The following REV1 variants were observed in gnomAD, a reference collection of about 807,000 sequenced individuals.
REV1 encodes translesion synthesis protein REV1.
REV1 carries 42 observed loss-of-function variants against 137.4 expected under a neutral mutation model. The observed-to-expected ratio is 0.31, with a 90% CI of 0.24 to 0.40. The LOEUF (loss-of-function observed/expected upper bound fraction) is 0.40, where lower values mean the gene tolerates loss of function less well. Among genes scored for constraint, REV1 ranks in the 10% least tolerant of loss-of-function variants. The pLI is 1.00. For missense variants in REV1, 1,282 were observed against 1,490.1 expected (o/e 0.86, Z 2.30); for synonymous variants, 524 against 519.2 (o/e 1.01, Z -0.12).
intron 12 of REV1, among the ~76,000 whole-genome samples, chr2:99,416,285 A>G (rs1186735421): frequency 6.6e-6 from 1 of 152,238 alleles, no homozygotes; most frequent in Non-Finnish European, 1.5e-5. Flanking sequence ...TTTCTTTTCT[A>G]AAATAATTCC....
intron 1 of REV1, among the ~76,000 whole-genome samples, chr2:99,473,666 A>C (rs1685662160): frequency 6.6e-6 from 1 of 152,218 alleles, no homozygotes; most frequent in Non-Finnish European, 1.5e-5. Context: ...CAGCATACTG[A>C]AACATTTTCC....
intron 3 of REV1, among the ~76,000 whole-genome samples, chr2:99,457,413 G>A (rs1483784194): frequency 6.6e-6 from 1 of 152,198 alleles, no homozygotes; most frequent in African/African-American, 2.4e-5. Flanking sequence ...CAGGTGCACT[G>A]GCTCACACCT....
rs28369950 is a variant in REV1 at position 99,462,051 on chromosome 2, C to T, written c.181+445G>A. On this transcript the variant is annotated intron_variant, in intron 3 of 22. Coordinates refer to ENST00000258428, the MANE Select transcript of REV1 (RefSeq NM_016316.4). ...TCAGGTCCTTTCCTTCCCTGCTTGG[C>T]GACCCAAATGCTGGCAGTTTACACT... Among the ~76,000 whole-genome samples the T allele has an allele frequency of 5.9e-3, 904 of 152,208 alleles. 4 individuals are homozygous for T. Among genetic ancestry groups the T allele is most frequent in the Middle Eastern group, 0.027 (8 of 294 alleles).
intron 5 of REV1, among the ~76,000 whole-genome samples, chr2:99,441,311 G>C (rs1234719974): frequency 6.6e-6 from 1 of 151,780 alleles, no homozygotes; most frequent in Non-Finnish European, 1.5e-5. Flanking sequence ...TTAGACTCCT[G>C]GTGTTTTCGA....
chr2:99,484,625 G>C (rs567827752), intron 1 of REV1, among the ~76,000 whole-genome samples: 4 of 151,730 alleles, frequency 2.6e-5, no homozygotes, highest in African/African-American at 9.7e-5. Context: ...TACGATGCAA[G>C]TCATCATCCT....
chr2:99,417,278 T>C (rs955830863), intron 12 of REV1, among the ~76,000 whole-genome samples: 6 of 152,150 alleles, frequency 3.9e-5, no homozygotes, highest in African/African-American at 1.4e-4. Flanking sequence ...TAGCTGGGAC[T>C]ACAGGCATGT....
intron 12 of REV1, among the ~76,000 whole-genome samples, chr2:99,413,224 T>C (rs150721121): frequency 1.3e-3 from 205 of 152,354 alleles, no homozygotes; most frequent in African/African-American, 4.6e-3. Flanking sequence ...ATCAAAAATG[T>C]CACTTTCTTT....
At chr2:99,406,616 TG>T in intron 15 of REV1, 126 bp from the exon 16 acceptor site, 4 of 737,510 alleles carry the variant, frequency 5.4e-6, no homozygotes, top group Non-Finnish European at 8.0e-6. Context: ...TAAAGGTAAA[TG>T]AAAGTATTCA....
chr2:99,421,451 AG>A (rs1201382051), intron 11 of REV1, 47 bp downstream of exon 11: 6 of 1,530,820 alleles, frequency 3.9e-6, no homozygotes, highest in African/African-American at 2.8e-5. Context: ...CTGATATTCA[AG>A]AATCTCAAAG....
chr2:99,414,557 G>A (rs984147537), intron 12 of REV1, among the ~76,000 whole-genome samples: 5 of 152,120 alleles, frequency 3.3e-5, no homozygotes, highest in African/African-American at 1.2e-4. Context: ...GAAACACAAG[G>A]GAATAGACAA....
At chr2:99,445,052 A>G (rs1682014787) in intron 4 of REV1, among the ~76,000 whole-genome samples, 1 of 152,174 alleles carries the variant, frequency 6.6e-6, no homozygotes, top group South Asian at 2.1e-4. Context: ...GAATCAAAAC[A>G]TAGTCATAGC....
chr2:99,441,021 C>G (rs1306356117), intron 5 of REV1, among the ~76,000 whole-genome samples: 1 of 152,110 alleles, frequency 6.6e-6, no homozygotes, highest in Non-Finnish European at 1.5e-5. Context: ...GAAGTAAAAT[C>G]TAAAAGGTAA....
intron 1 of REV1, among the ~76,000 whole-genome samples, chr2:99,481,708 C>A (rs138807310): frequency 9.8e-4 from 149 of 151,886 alleles, no homozygotes; most frequent in South Asian, 4.2e-3. Context: ...CACACACACA[C>A]AAAAATTTAA....
intron 4 of REV1, among the ~76,000 whole-genome samples, chr2:99,443,952 G>A (rs1351814683): frequency 1.3e-5 from 2 of 151,942 alleles, no homozygotes; most frequent in East Asian, 1.9e-4. Flanking sequence ...CCGAGTAGCT[G>A]GGACTACAGG....
intron 1 of REV1, among the ~76,000 whole-genome samples, chr2:99,482,693 C>T (rs560992382): frequency 9.9e-5 from 15 of 152,184 alleles, no homozygotes; most frequent in East Asian, 3.9e-4. Context: ...GTGTTTGCTT[C>T]GGCTGCACAT....
At chr2:99,410,549 G>T in intron 14 of REV1, 146 bp downstream of exon 14, 1 of 695,530 alleles carries the variant, frequency 1.4e-6, no homozygotes, top group Non-Finnish European at 2.3e-6. Flanking sequence ...TGAATGCCTT[G>T]GGCTGATGCC....
chr2:99,424,025 G>T, intron 10 of REV1, 127 bp downstream of exon 10: 2 of 973,000 alleles, frequency 2.1e-6, no homozygotes, highest in Non-Finnish European at 3.0e-6. Context: ...ATGCTGAGGA[G>T]TGGTTCCTGG....
chr2:99,465,973 G>A (rs376768586), intron 1 of REV1, among the ~76,000 whole-genome samples: 6 of 151,856 alleles, frequency 4.0e-5, no homozygotes, highest in South Asian at 2.1e-4. Context: ...ACGGAGTCTC[G>A]CTCTGTTGCC....
At chr2:99,460,043 G>T (rs1684004333) in intron 3 of REV1, among the ~76,000 whole-genome samples, 1 of 152,190 alleles carries the variant, frequency 6.6e-6, no homozygotes, top group South Asian at 2.1e-4. Flanking sequence ...TTTGCAAACT[G>T]TTCACTGGAA....
Sources: allele counts gnomAD v4.1 joint callset (sites outside exome capture counted in the v4.1 genomes callset), GRCh38; gene constraint gnomAD v4.1.1; transcripts MANE v1.5; gene names NCBI Gene and HGNC (gene_info 2026-07-23, HGNC 2026-07-21).